The following PTPRN2 variants were observed in gnomAD, a reference collection of about 807,000 sequenced individuals.
The protein encoded by PTPRN2 is protein tyrosine phosphatase receptor type N2, also known as receptor-type tyrosine-protein phosphatase N2.
In PTPRN2, 74 loss-of-function variants were observed where a neutral mutation model predicts 118.8. The ratio of observed to expected loss-of-function variants is 0.62; its 90% CI spans 0.52 to 0.76. The LOEUF is 0.76. Ranked by LOEUF, PTPRN2 falls within the 30% of genes least tolerant of loss-of-function variation. The pLI is 0.00. For synonymous variants in PTPRN2, 641 were observed against 608.0 expected (o/e 1.05, Z -0.80); for missense variants, 1,481 against 1,394.4 (o/e 1.06, Z -0.99).
chr7:157,615,725 C>T lies in PTPRN2; in HGVS notation c.2344+5637G>A. On this transcript the variant is annotated intron_variant, in intron 15 of 22. Coordinates refer to ENST00000389418, the MANE Select transcript of PTPRN2 (RefSeq NM_002847.5). The surrounding 1 kb of genome is among the most constrained non-coding windows in gnomAD (Gnocchi z 4.3). ...AGCTGAGAGGGAGGTGACGCAGTGACTCAGGAACCACAAGCTCTGGAGGCT... is the reference window on the plus strand; with the variant it reads ...AGCTGAGAGGGAGGTGACGCAGTGATTCAGGAACCACAAGCTCTGGAGGCT... The T allele has an allele frequency of 2.4e-6, 1 of 409,978 alleles. No individual in the cohort carries two copies. Among genetic ancestry groups the T allele is most frequent in the South Asian group, 1.8e-5 (1 of 55,568 alleles). The allele number at this position is 409,978 out of a possible 1,614,324, so 25.4% of individuals were successfully genotyped here.
At chr7:158,311,690 G>A (rs1249202064) in intron 3 of PTPRN2, among the ~76,000 whole-genome samples, 2 of 152,262 alleles carry the variant, frequency 1.3e-5, no homozygotes, top group Admixed American at 6.5e-5. Flanking sequence ...AACTGCACCT[G>A]CAAGAAGTGG....
chr7:157,925,480 A>G (rs1798926120), intron 11 of PTPRN2, among the ~76,000 whole-genome samples: 1 of 152,220 alleles, frequency 6.6e-6, no homozygotes, highest in African/African-American at 2.4e-5. Flanking sequence ...ATAGCCCTTC[A>G]TGGGTTCACC....
intron 12 of PTPRN2, among the ~76,000 whole-genome samples, chr7:157,797,572 G>A (rs568691265): frequency 3.9e-5 from 6 of 152,324 alleles, no homozygotes; most frequent in Non-Finnish European, 8.8e-5. Flanking sequence ...GGAATTCCAA[G>A]GCCCGGACGG....
chr7:158,476,459 A>T (rs986898553), intron 2 of PTPRN2, among the ~76,000 whole-genome samples: 3 of 152,274 alleles, frequency 2.0e-5, no homozygotes, highest in Non-Finnish European at 4.4e-5. Context: ...TTGCCAGCAC[A>T]TGAATGACTG....
At chr7:157,586,426 C>T (rs895591455) in intron 17 of PTPRN2, among the ~76,000 whole-genome samples, 3 of 152,214 alleles carry the variant, frequency 2.0e-5, no homozygotes, top group African/African-American at 7.2e-5. Flanking sequence ...AGTCTTCACC[C>T]ACACTAGGGA....
At chr7:158,116,191 C>G (rs1007793395) in intron 9 of PTPRN2, among the ~76,000 whole-genome samples, 1 of 152,334 alleles carries the variant, frequency 6.6e-6, no homozygotes, top group South Asian at 2.1e-4. Context: ...AGCAAAAAAT[C>G]CAACATTTTA....
At chr7:158,249,587 A>C (rs572361236) in intron 3 of PTPRN2, among the ~76,000 whole-genome samples, 86 of 152,258 alleles carry the variant, frequency 5.6e-4, no homozygotes, top group African/African-American at 2.0e-3. Context: ...ATGCACACGC[A>C]TCACACACAT....
At chr7:158,225,674 G>T (rs934877226) in intron 3 of PTPRN2, among the ~76,000 whole-genome samples, 1 of 152,194 alleles carries the variant, frequency 6.6e-6, no homozygotes, top group Non-Finnish European at 1.5e-5. Context: ...ACTGCTAAGG[G>T]AATAGAGAAA....
intron 2 of PTPRN2, among the ~76,000 whole-genome samples, chr7:158,389,888 C>T (rs745748357): frequency 6.6e-6 from 1 of 152,236 alleles, no homozygotes; most frequent in Non-Finnish European, 1.5e-5. Context: ...TTAATGGACA[C>T]ATCCAGAAAG....
chr7:158,556,601 G>A (rs1039068359), intron 1 of PTPRN2, among the ~76,000 whole-genome samples: 1 of 152,106 alleles, frequency 6.6e-6, no homozygotes, highest in African/African-American at 2.4e-5. Context: ...ATAAATAGAT[G>A]TTTGATAGGT....
At chr7:158,423,524 C>T (rs1329083399) in intron 2 of PTPRN2, among the ~76,000 whole-genome samples, 1 of 145,930 alleles carries the variant, frequency 6.9e-6, no homozygotes, top group African/African-American at 2.5e-5. Flanking sequence ...CAGAGATTAG[C>T]CCCTCTGGTT....
At chr7:158,090,533 G>A (rs1000127013) in intron 10 of PTPRN2, among the ~76,000 whole-genome samples, 43 of 152,084 alleles carry the variant, frequency 2.8e-4, no homozygotes, top group African/African-American at 8.2e-4. Context: ...TCACTCAGTG[G>A]TTCCACTTGA....
At chr7:158,324,006 C>T (rs998861616) in intron 2 of PTPRN2, among the ~76,000 whole-genome samples, 1 of 151,876 alleles carries the variant, frequency 6.6e-6, no homozygotes, top group African/African-American at 2.4e-5. Context: ...TTTGCATGCA[C>T]TTGATTATGC....
chr7:158,490,145 C>T (rs1161637081), intron 1 of PTPRN2, among the ~76,000 whole-genome samples: 1 of 152,212 alleles, frequency 6.6e-6, no homozygotes, highest in Non-Finnish European at 1.5e-5. Context: ...TCCCCTGGAC[C>T]GGGTGCTCAC....
At chr7:158,106,437 C>CT (rs370306535) in intron 10 of PTPRN2, among the ~76,000 whole-genome samples, 15 of 152,312 alleles carry the variant, frequency 9.8e-5, no homozygotes, top group African/African-American at 3.6e-4. Flanking sequence ...CACCTCCATC[C>CT]TTGGCTCCAG....
At chr7:158,136,424 T>A (rs2150448819) in intron 8 of PTPRN2, among the ~76,000 whole-genome samples, 1 of 152,346 alleles carries the variant, frequency 6.6e-6, no homozygotes, top group Admixed American at 6.5e-5. Context: ...CTTTCATATT[T>A]CTACCATGGA....
chr7:157,983,606 G>A (rs1436256772), intron 11 of PTPRN2, among the ~76,000 whole-genome samples: 1 of 152,118 alleles, frequency 6.6e-6, no homozygotes, highest in Non-Finnish European at 1.5e-5. Flanking sequence ...CACCAGCCCT[G>A]GGAGTGAGTC....
chr7:157,624,491 A>G (rs2150651139), intron 14 of PTPRN2, among the ~76,000 whole-genome samples: 1 of 152,056 alleles, frequency 6.6e-6, no homozygotes, highest in Non-Finnish European at 1.5e-5. Context: ...CCTGCCTTAC[A>G]CATGCTCAGA....
Position 157,610,010 on chromosome 7 carries a change from C to T in PTPRN2, c.2345-5935G>A, listed in dbSNP as rs572289185. On this transcript the variant is annotated intron_variant, in intron 15 of 22. Coordinates refer to ENST00000389418, the MANE Select transcript of PTPRN2 (RefSeq NM_002847.5). The surrounding 1 kb of genome is among the most constrained non-coding windows in gnomAD (Gnocchi z 5.1). ...CCCACCCCACTGCATCTGAGGAAAG[C>T]GTGTGGAAGACTCCTCTGCCCGGAA... 7.2e-5 allele frequency among the ~76,000 whole-genome samples: 11 copies of T among 152,308 alleles called. No individual in the cohort carries two copies. The highest frequency in any genetic ancestry group is 2.1e-4 in the South Asian group (1 of 4,826).
Sources: allele counts gnomAD v4.1 joint callset (sites outside exome capture counted in the v4.1 genomes callset), GRCh38; gene constraint gnomAD v4.1.1; non-coding constraint Gnocchi (gnomAD v3.1); transcripts MANE v1.5; gene names NCBI Gene and HGNC (gene_info 2026-07-23, HGNC 2026-07-21).